Variants in SOX5 observed in about 807,000 individuals in gnomAD.
The protein encoded by SOX5 is SRY-box transcription factor 5.
A neutral mutation model predicts 92.0 loss-of-function variants in SOX5; 9 were observed. The observed-to-expected ratio is 0.10, with a 90% CI of 0.06 to 0.17. The LOEUF (loss-of-function observed/expected upper bound fraction) is 0.17. SOX5 is among the 10% of genes least tolerant of loss of function. The pLI is 1.00. For synonymous variants in SOX5, 344 were observed against 336.3 expected, an observed-to-expected ratio of 1.02 and a Z score of -0.25; for missense variants, 642 against 944.5, an observed-to-expected ratio of 0.68 and a Z score of 4.20.
chr12:23,736,033 T>C (rs894570106), intron 5 of SOX5, among the ~76,000 whole-genome samples: 2 of 152,100 alleles, frequency 1.3e-5, no homozygotes, highest in African/African-American at 4.8e-5. Flanking sequence ...ATAGATGAGA[T>C]GAAAACTGTA....
intron 4 of SOX5, among the ~76,000 whole-genome samples, chr12:23,751,542 T>C (rs182294349): frequency 4.5e-4 from 69 of 152,020 alleles, no homozygotes; most frequent in African/African-American, 1.6e-3. Context: ...AATTATCCCT[T>C]TCAAGCCACT....
intron 6 of SOX5, among the ~76,000 whole-genome samples, chr12:23,710,282 G>A (rs916498108): frequency 5.9e-5 from 9 of 152,106 alleles, no homozygotes; most frequent in Non-Finnish European, 1.3e-4. Context: ...GGGTACATGT[G>A]CACAACGTGC....
chr12:23,694,462 T>G (rs1239655873), intron 6 of SOX5, among the ~76,000 whole-genome samples: 1 of 152,188 alleles, frequency 6.6e-6, no homozygotes, highest in African/African-American at 2.4e-5. Flanking sequence ...AGTGAATTTC[T>G]TCACATTTCT....
Position 23,755,657 on chromosome 12 carries a change from C to T in SOX5, c.549G>A (p.Gly183=), listed in dbSNP as rs201129307. Residue 183 remains glycine, a synonymous_variant, in exon 4 of 15, where the codon GGG becomes GGA. Coordinates refer to ENST00000451604, the MANE Select transcript of SOX5 (RefSeq NM_006940.6). ...WKDKLLAMGS[G]NFGEIKGTPE... ...TATTACCTTTTATTTCGCCAAAGTT[C>T]CCCGATCCCATTGCAAGAAGCTTGT... 4.1e-5 allele frequency: 66 copies of T among 1,591,444 alleles called. No individual in the cohort carries two copies. The highest frequency in any genetic ancestry group is 1.2e-4 in the East Asian group (5 of 43,348).
chr12:24,237,565 T>G (rs907039979), intron 3 of SOX5, among the ~76,000 whole-genome samples: 2 of 151,460 alleles, frequency 1.3e-5, no homozygotes, highest in East Asian at 3.9e-4. Context: ...GTGAATAAAC[T>G]CCAAGCCTGG....
intron 1 of SOX5, among the ~76,000 whole-genome samples, chr12:24,443,012 C>T (rs563900980): frequency 8.1e-4 from 109 of 135,202 alleles, no homozygotes; most frequent in Middle Eastern, 6.1e-3. Context: ...AGTGCAGTGG[C>T]ACAATCTTGG....
chr12:24,312,769 G>A (rs1383061804), intron 2 of SOX5, among the ~76,000 whole-genome samples: 3 of 151,992 alleles, frequency 2.0e-5, no homozygotes, highest in African/African-American at 7.3e-5. Context: ...ATCAAATTTA[G>A]AGAAACTCTC....
intron 2 of SOX5, among the ~76,000 whole-genome samples, chr12:24,318,406 G>A (rs1949907648): frequency 6.6e-6 from 1 of 151,996 alleles, no homozygotes. Flanking sequence ...TGGAGGATTT[G>A]CTCATGAGGT....
intron 4 of SOX5, among the ~76,000 whole-genome samples, chr12:24,059,959 T>C (rs1323334054): frequency 6.6e-6 from 1 of 152,056 alleles, no homozygotes; most frequent in Non-Finnish European, 1.5e-5. Context: ...ATGTAAACAA[T>C]AATAAATTAC....
intron 1 of SOX5, among the ~76,000 whole-genome samples, chr12:24,437,136 C>T (rs1006495929): frequency 9.9e-5 from 15 of 151,660 alleles, no homozygotes; most frequent in Non-Finnish European, 1.8e-4. Context: ...CAACATGACA[C>T]CTATTCTGCA....
chr12:23,809,637 C>T (rs1453878282), intron 3 of SOX5, among the ~76,000 whole-genome samples: 1 of 149,642 alleles, frequency 6.7e-6, no homozygotes, highest in Non-Finnish European at 1.5e-5. Flanking sequence ...AAAACTAATA[C>T]TCAAATTCAA....
chr12:23,641,480 A>G (rs1164526288), intron 7 of SOX5, among the ~76,000 whole-genome samples: 1 of 152,160 alleles, frequency 6.6e-6, no homozygotes, highest in East Asian at 1.9e-4. Flanking sequence ...ATGTTTACAA[A>G]ACTATATTGT....
At chr12:24,165,903 G>A (rs760933916) in intron 4 of SOX5, among the ~76,000 whole-genome samples, 1 of 152,076 alleles carries the variant, frequency 6.6e-6, no homozygotes, top group Non-Finnish European at 1.5e-5. Flanking sequence ...ATGGAAAATA[G>A]ATATATATAT....
chr12:24,559,214 A>G (rs868029629), intron 1 of SOX5, among the ~76,000 whole-genome samples: 4 of 152,226 alleles, frequency 2.6e-5, no homozygotes, highest in Non-Finnish European at 5.9e-5. Context: ...CCAGTGCATG[A>G]GGGAATGCAT....
At chr12:24,142,813 C>T (rs1950713100) in intron 4 of SOX5, among the ~76,000 whole-genome samples, 1 of 150,598 alleles carries the variant, frequency 6.6e-6, no homozygotes, top group South Asian at 2.1e-4. Flanking sequence ...AGAGCTGAAT[C>T]CCGGAAGACA....
At chr12:24,059,734 C>T (rs1372952485) in intron 4 of SOX5, among the ~76,000 whole-genome samples, 1 of 152,088 alleles carries the variant, frequency 6.6e-6, no homozygotes, top group Non-Finnish European at 1.5e-5. Flanking sequence ...TCTGCCAGTT[C>T]CTGGTGGATA....
intron 4 of SOX5, among the ~76,000 whole-genome samples, chr12:23,972,001 T>G (rs543611940): frequency 1.8e-4 from 27 of 152,348 alleles, no homozygotes. Flanking sequence ...ATTTTTACTG[T>G]AGTATCCATT....
intron 2 of SOX5, among the ~76,000 whole-genome samples, chr12:23,870,549 T>C (rs1027840221): frequency 5.3e-5 from 8 of 152,142 alleles, no homozygotes; most frequent in African/African-American, 1.9e-4. Flanking sequence ...TAAGGAGTAA[T>C]GTTAGGCTAT....
intron 3 of SOX5, among the ~76,000 whole-genome samples, chr12:23,764,721 G>A (rs2094660656): frequency 6.6e-6 from 1 of 152,010 alleles, no homozygotes; most frequent in Admixed American, 6.6e-5. Context: ...TTGTGAAAGT[G>A]GGTGGTAGAG....
Sources: gnomAD v4.1 joint callset for allele counts (sites outside exome capture counted in the v4.1 genomes callset) on GRCh38, gnomAD v4.1.1 for gene constraint, MANE v1.5 for transcripts, NCBI Gene and HGNC (gene_info 2026-07-23, HGNC 2026-07-21) for gene names.